The following PPP2R2B variants were observed in gnomAD, a reference collection of about 807,000 sequenced individuals.
PPP2R2B encodes serine/threonine-protein phosphatase 2A 55 kDa regulatory subunit B beta isoform.
A neutral mutation model predicts 46.0 loss-of-function variants in PPP2R2B; 5 were observed. That is an observed-to-expected ratio of 0.11 (90% CI 0.06 to 0.23). The LOEUF (loss-of-function observed/expected upper bound fraction) is 0.23. Ranked by LOEUF, PPP2R2B falls within the 10% of genes least tolerant of loss-of-function variation. The probability of loss-of-function intolerance (pLI) is 1.00; values close to 1 mark genes in which losing one functional copy is unlikely to be tolerated. For missense variants in PPP2R2B, 367 were observed against 575.0 expected, an observed-to-expected ratio of 0.64 and a Z score of 3.70; for synonymous variants, 215 against 206.7, an observed-to-expected ratio of 1.04 and a Z score of -0.34.
At chr5:146,827,209 A>T (rs1360999284) in intron 2 of PPP2R2B, among the ~76,000 whole-genome samples, 2 of 152,152 alleles carry the variant, frequency 1.3e-5, no homozygotes, top group Non-Finnish European at 2.9e-5. Context: ...ATTGCCAGGG[A>T]ATTAGGAGAA....
At chr5:146,608,382 C>T (rs1772510412) in intron 7 of PPP2R2B, among the ~76,000 whole-genome samples, 1 of 152,218 alleles carries the variant, frequency 6.6e-6, no homozygotes, top group Non-Finnish European at 1.5e-5. Flanking sequence ...TCATCATCTC[C>T]AGGTTGGATT....
At chr5:146,680,595 T>C (rs1778103479) in intron 5 of PPP2R2B, among the ~76,000 whole-genome samples, 2 of 151,600 alleles carry the variant, frequency 1.3e-5, no homozygotes, top group South Asian at 4.2e-4. Flanking sequence ...AAAAAAAAAG[T>C]TCCCAGAAAT....
At chr5:146,855,264 G>A (rs1011533637) in intron 2 of PPP2R2B, among the ~76,000 whole-genome samples, 9 of 152,154 alleles carry the variant, frequency 5.9e-5, no homozygotes, top group Non-Finnish European at 1.2e-4. Flanking sequence ...AGCAAGGGAA[G>A]AGCTGAACTC....
chr5:146,706,509 G>C, intron 2 of PPP2R2B: 1 of 1,183,656 alleles, frequency 8.4e-7, no homozygotes, highest in Non-Finnish European at 1.2e-6. Context: ...CTTCTGGTAG[G>C]CACGCAGCTG....
intron 7 of PPP2R2B, among the ~76,000 whole-genome samples, chr5:146,621,390 A>G (rs565778755): frequency 1.1e-4 from 16 of 152,002 alleles, no homozygotes; most frequent in East Asian, 7.7e-4. Context: ...CGTAAACCCA[A>G]CTCTGGCTCT....
At chr5:146,711,822 T>C (rs184877871) in intron 2 of PPP2R2B, among the ~76,000 whole-genome samples, 333 of 152,296 alleles carry the variant, frequency 2.2e-3, no homozygotes, top group African/African-American at 7.4e-3. Context: ...ACAAGTACAA[T>C]GTTGGGGAAA....
In PPP2R2B at chr5:146,812,793, GTATATA is replaced by G. The variant is rs1201054676; in HGVS notation, c.70+65203_70+65208del. On this transcript the variant is annotated intron_variant, in intron 2 of 9. Transcript: ENST00000394411. ...AATGTGTGTGTGTGTGTATATGTGT[GTATATA>G]TATATATATATATATATATATATAT... is the stretch of plus-strand genomic sequence containing the variant. Among the ~76,000 whole-genome samples, 4 of 12,110 alleles carry G rather than the reference GTATATA, an allele frequency of 3.3e-4. 1 individual carries two copies. The highest frequency in any genetic ancestry group is 6.5e-4 in the Non-Finnish European group (4 of 6,164). 7.9% of individuals were successfully genotyped at this position (12,110 alleles called of 152,430 possible).
At chr5:146,637,119 G>A (rs1414019540) in intron 7 of PPP2R2B, among the ~76,000 whole-genome samples, 1 of 152,164 alleles carries the variant, frequency 6.6e-6, no homozygotes, top group East Asian at 1.9e-4. Flanking sequence ...TGCCTCATTA[G>A]CCAAATTTTA....
At chr5:146,655,424 C>T (rs148481216) in intron 5 of PPP2R2B, among the ~76,000 whole-genome samples, 49 of 151,454 alleles carry the variant, frequency 3.2e-4, no homozygotes, top group African/African-American at 1.1e-3. Flanking sequence ...CCTTCCGTGA[C>T]CATCCCACCT....
intron 7 of PPP2R2B, among the ~76,000 whole-genome samples, chr5:146,627,505 T>C (rs967776596): frequency 3.9e-5 from 6 of 152,152 alleles, no homozygotes; most frequent in Non-Finnish European, 8.8e-5. Flanking sequence ...ATTAATTCTA[T>C]GGTTGAAAAT....
Position 146,581,737 on chromosome 5 carries a change from A to C in PPP2R2B, c.*8210T>G, listed in dbSNP as rs952915698. On this transcript the variant is annotated 3_prime_UTR_variant, in exon 10 of 10. Transcript: ENST00000394411. ...GCTTGTATGTAATATGACTCACTTT[A>C]CTTTCCTTTACGGAGAAATAGATTG... 2.0e-5 allele frequency: 3 copies of C among 152,136 alleles called. No individual in the cohort carries two copies. Among genetic ancestry groups the C allele is most frequent in the South Asian group, 2.1e-4 (1 of 4,830 alleles). 9.4% of individuals were successfully genotyped at this position (152,136 alleles called of 1,614,324 possible).
intron 1 of PPP2R2B, among the ~76,000 whole-genome samples, chr5:146,960,268 T>C (rs1045081474): frequency 1.3e-5 from 2 of 152,150 alleles, no homozygotes; most frequent in African/African-American, 4.8e-5. Flanking sequence ...AGATACTATC[T>C]GGTTACATGT....
At chr5:147,006,718 C>T (rs575370950) in intron 1 of PPP2R2B, among the ~76,000 whole-genome samples, 46 of 152,182 alleles carry the variant, frequency 3.0e-4, no homozygotes, top group South Asian at 2.7e-3. Flanking sequence ...CCAAAACCAC[C>T]GAGGCCTAGT....
intron 2 of PPP2R2B, among the ~76,000 whole-genome samples, chr5:146,738,423 G>A (rs767601735): frequency 3.3e-5 from 5 of 149,556 alleles, no homozygotes; most frequent in Non-Finnish European, 5.9e-5. Context: ...AAAAATCTTA[G>A]CTTCACAGAA....
At chr5:146,700,947 G>T in intron 3 of PPP2R2B, 98 bp downstream of exon 3, 1 of 1,099,210 alleles carries the variant, frequency 9.1e-7, no homozygotes, top group Non-Finnish European at 1.4e-6. Flanking sequence ...TTCGAGCAAA[G>T]CAGCAAGGTT....
In PPP2R2B at chr5:146,832,381, T is replaced by A. The variant is rs950782362; in HGVS notation, c.70+45621A>T. Among the ~76,000 whole-genome samples, 159 of 44,382 alleles carry A rather than the reference T, an allele frequency of 3.6e-3. 2 individuals are homozygous for A. Among genetic ancestry groups the A allele is most frequent in the African/African-American group, 0.013 (151 of 12,042 alleles). The allele number at this position is 44,382 out of a possible 152,430, so 29.1% of individuals were successfully genotyped here. A position where few individuals can be genotyped will look rare whatever the true frequency, so the allele number is the denominator to read the frequency against. ...CAAGTAAGTGTGCCATTTTTAATCT[T>A]TTTTTTTTTTTTTTTTTTTTTTTTT... On this transcript the variant is annotated intron_variant, in intron 2 of 9. Coordinates refer to ENST00000394411, the MANE Select transcript of PPP2R2B (RefSeq NM_181675.4).
chr5:146,957,936 T>A (rs1751989594), intron 1 of PPP2R2B, among the ~76,000 whole-genome samples: 1 of 152,112 alleles, frequency 6.6e-6, no homozygotes, highest in African/African-American at 2.4e-5. Flanking sequence ...GCCTATGGTG[T>A]TGGCTGCATG....
chr5:146,816,482 TAG>T (rs922142120), intron 2 of PPP2R2B, among the ~76,000 whole-genome samples: 2 of 152,288 alleles, frequency 1.3e-5, no homozygotes, highest in Middle Eastern at 3.4e-3. Flanking sequence ...TCTTCTATAA[TAG>T]AGTTTATGCG....
intron 1 of PPP2R2B, among the ~76,000 whole-genome samples, chr5:146,933,502 G>T (rs1246765255): frequency 6.6e-6 from 1 of 151,814 alleles, no homozygotes; most frequent in Admixed American, 6.6e-5. Context: ...AAAAACAAGA[G>T]AAAAAAATAA....
Sources: allele counts gnomAD v4.1 joint callset (sites outside exome capture counted in the v4.1 genomes callset), GRCh38; gene constraint gnomAD v4.1.1; transcripts MANE v1.5; gene names NCBI Gene and HGNC (gene_info 2026-07-23, HGNC 2026-07-21).